The following KAZN variants were observed in gnomAD, a reference collection of about 807,000 sequenced individuals.
KAZN encodes the protein kazrin, periplakin interacting protein.
Under a neutral mutation model 87.4 loss-of-function variants are expected in KAZN, and 40 were observed. That is an observed-to-expected ratio of 0.46 (90% CI 0.36 to 0.60). The LOEUF is 0.60. KAZN is among the 20% of genes least tolerant of loss of function. The pLI is 0.00. For missense variants in KAZN, 898 were observed against 1,073.9 expected (o/e 0.84, Z 2.29); for synonymous variants, 466 against 458.3 (o/e 1.02, Z -0.22).
At chr1:14,178,709 T>G (rs1215564379) in intron 1 of KAZN, among the ~76,000 whole-genome samples, 2 of 152,220 alleles carry the variant, frequency 1.3e-5, no homozygotes, top group Non-Finnish European at 2.9e-5. Flanking sequence ...TTAGTCACAT[T>G]TTCTTGCTTT....
intron 2 of KAZN, among the ~76,000 whole-genome samples, chr1:14,591,676 A>T (rs543330170): frequency 2.6e-5 from 4 of 152,200 alleles, no homozygotes; most frequent in African/African-American, 9.7e-5. Flanking sequence ...CACAGAAGGG[A>T]TGCGCCTGAC....
intron 1 of KAZN, among the ~76,000 whole-genome samples, chr1:14,075,095 G>T (rs1643400957): frequency 6.6e-6 from 1 of 152,170 alleles, no homozygotes; most frequent in Non-Finnish European, 1.5e-5. Context: ...TGCCAGGAAT[G>T]AAATATTTGG....
chr1:14,141,833 G>GT (rs1223303029), intron 1 of KAZN, among the ~76,000 whole-genome samples: 2 of 152,158 alleles, frequency 1.3e-5, no homozygotes, highest in African/African-American at 2.4e-5. Flanking sequence ...ATAATGGCGT[G>GT]TTTTTGTTTG....
At chr1:14,582,733 G>T (rs889988984) in intron 2 of KAZN, among the ~76,000 whole-genome samples, 1 of 152,130 alleles carries the variant, frequency 6.6e-6, no homozygotes, top group Non-Finnish European at 1.5e-5. Context: ...CTCCAAGGTT[G>T]TTTTAATCTT....
chr1:14,402,097 A>G (rs1183446023), intron 2 of KAZN, among the ~76,000 whole-genome samples: 1 of 151,912 alleles, frequency 6.6e-6, no homozygotes, highest in Non-Finnish European at 1.5e-5. Flanking sequence ...GTAAAAAAAA[A>G]AAAGAGAACA....
At chr1:13,991,120 T>C (rs1437461696) in intron 1 of KAZN, among the ~76,000 whole-genome samples, 1 of 152,144 alleles carries the variant, frequency 6.6e-6, no homozygotes, top group Non-Finnish European at 1.5e-5. Flanking sequence ...GGTAAATGTT[T>C]AACAGCCAGC....
chr1:14,883,330 G>A (rs1162424729), intron 1 of KAZN, among the ~76,000 whole-genome samples: 3 of 34,554 alleles, frequency 8.7e-5, no homozygotes, highest in African/African-American at 2.3e-4. Flanking sequence ...GAGAGAGAGA[G>A]AGAGAGAGAG....
At position 14,082,256 on chromosome 1, in the gene KAZN, G is replaced by T. The variant is rs3817950; in HGVS notation, c.92-98179G>T. On this transcript the variant is annotated intron_variant, in intron 1 of 16. Transcript: ENST00000636203. ...TTTATATACTGAGGCTGATTCTTGAGGTGTGCTTGGAATCAAATCCTACCT... is the reference window on the plus strand; with the variant it reads ...TTTATATACTGAGGCTGATTCTTGATGTGTGCTTGGAATCAAATCCTACCT... Among the ~76,000 whole-genome samples the T allele has an allele frequency of 2.7e-3, 405 of 152,262 alleles. 10 individuals carry two copies. In the South Asian group the frequency reaches 0.066, roughly 25 times the overall value.
chr1:14,721,136 G>T (rs988753960), intron 1 of KAZN, among the ~76,000 whole-genome samples: 2 of 152,218 alleles, frequency 1.3e-5, no homozygotes, highest in African/African-American at 4.8e-5. Context: ...ATGTGGCTTG[G>T]CAGTGTCCCC....
intron 2 of KAZN, among the ~76,000 whole-genome samples, chr1:14,502,973 T>A (rs980976720): frequency 2.6e-5 from 4 of 152,134 alleles, no homozygotes; most frequent in African/African-American, 9.7e-5. Context: ...TTCTCTCCTG[T>A]GCTTCTTCTT....
chr1:15,072,407 A>C (rs1639544254), intron 8 of KAZN, among the ~76,000 whole-genome samples: 1 of 152,154 alleles, frequency 6.6e-6, no homozygotes, highest in East Asian at 1.9e-4. Flanking sequence ...TACAGAAAAG[A>C]ATCTGGGCTG....
chr1:14,064,890 G>A (rs1431676597), intron 1 of KAZN, among the ~76,000 whole-genome samples: 1 of 152,192 alleles, frequency 6.6e-6, no homozygotes, highest in Non-Finnish European at 1.5e-5. Flanking sequence ...CCCACCCAAG[G>A]TCCAGTTGCC....
chr1:15,073,753 C>T (rs1448804459), intron 8 of KAZN, among the ~76,000 whole-genome samples: 4 of 152,186 alleles, frequency 2.6e-5, no homozygotes, highest in Admixed American at 6.5e-5. Flanking sequence ...GAGGTCCATC[C>T]GACTCCTCCT....
intron 1 of KAZN, among the ~76,000 whole-genome samples, chr1:14,082,144 C>G (rs1286963328): frequency 1.3e-5 from 2 of 152,110 alleles, no homozygotes; most frequent in Non-Finnish European, 2.9e-5. Context: ...TGTGTTCATC[C>G]CTGAGTGGTA....
chr1:14,936,117 C>T (rs142566168), intron 1 of KAZN, among the ~76,000 whole-genome samples: 9 of 152,348 alleles, frequency 5.9e-5, no homozygotes, highest in African/African-American at 9.6e-5. Context: ...GGGGAGGTGA[C>T]GGGCAGAACA....
At chr1:14,753,566 A>AT (rs1383899475) in intron 1 of KAZN, among the ~76,000 whole-genome samples, 4 of 151,770 alleles carry the variant, frequency 2.6e-5, no homozygotes, top group Admixed American at 6.6e-5. Flanking sequence ...ACCTCTAATT[A>AT]TTTTTTTTAC....
At chr1:14,614,610 G>A (rs76924483) in intron 1 of KAZN, among the ~76,000 whole-genome samples, 2,434 of 152,298 alleles carry the variant, frequency 0.016, 33 homozygotes, top group Non-Finnish European at 0.023. Context: ...AAATACATGC[G>A]CAAAACCAAA....
chr1:14,864,717 C>T (rs1336320424), intron 1 of KAZN, among the ~76,000 whole-genome samples: 1 of 152,110 alleles, frequency 6.6e-6, no homozygotes, highest in Non-Finnish European at 1.5e-5. Context: ...CAGCATCTGG[C>T]AACATCTGAC....
intron 1 of KAZN, among the ~76,000 whole-genome samples, chr1:14,828,086 A>G (rs1159616514): frequency 6.6e-6 from 1 of 152,232 alleles, no homozygotes; most frequent in Non-Finnish European, 1.5e-5. Flanking sequence ...AGACATACAC[A>G]ATCAATCACC....
Sources: gnomAD v4.1 joint callset for allele counts (sites outside exome capture counted in the v4.1 genomes callset) on GRCh38, gnomAD v4.1.1 for gene constraint, MANE v1.5 for transcripts, NCBI Gene and HGNC (gene_info 2026-07-23, HGNC 2026-07-21) for gene names.